Variants in INPP5K observed in about 807,000 individuals in gnomAD.
INPP5K encodes the protein inositol polyphosphate 5-phosphatase K.
In INPP5K, 35 loss-of-function variants were observed where a neutral mutation model predicts 53.5. That is an observed-to-expected ratio of 0.65 (90% confidence interval 0.50 to 0.87). INPP5K has a LOEUF of 0.87. Ranked by LOEUF, INPP5K falls within the 40% of genes least tolerant of loss-of-function variation. INPP5K has a pLI of 0.00. For synonymous variants in INPP5K, 253 were observed against 232.8 expected (o/e 1.09, Z -0.79); for missense variants, 550 against 586.2 (o/e 0.94, Z 0.64).
In INPP5K at chr17:1,494,999, C is replaced by A. The variant is rs1265147678; in HGVS notation, c.*824G>T. The A allele has an allele frequency of 6.6e-6, 1 of 152,256 alleles. No homozygotes were observed. Among genetic ancestry groups the A allele is most frequent in the South Asian group, 2.1e-4 (1 of 4,836 alleles). The allele number at this position is 152,256 out of a possible 1,614,324, so 9.4% of individuals were successfully genotyped here. A position where few individuals can be genotyped will look rare whatever the true frequency, so the allele number is the denominator to read the frequency against. ...TGGCTCCTGACAAGGGTGGCACAGA[C>A]GCACCTCACCTGCCAAGGACCACCC... On this transcript the variant is annotated 3_prime_UTR_variant, in exon 12 of 12. Coordinates refer to ENST00000421807, the MANE Select transcript of INPP5K (RefSeq NM_016532.4).
Position 1,496,344 on chromosome 17 carries a change from A to G in INPP5K, c.1160T>C (p.Val387Ala), listed in dbSNP as rs1427914422. ...CTGGTTCAGGTTGTCGCTGCAGGAG[A>G]CCTTGCTGTCCCCGACCCAGGCATA... ...VSYAWVGDSK[V>A]SCSDNLNQVY... Residue 387 changes from valine (V) to alanine (A), a missense_variant, in exon 10 of 12, where the codon GTC (valine) becomes GCC (alanine). Transcript: ENST00000421807. 3 of 1,563,090 alleles carry G rather than the reference A, an allele frequency of 1.9e-6. No individual in the cohort carries two copies. Among genetic ancestry groups the G allele is most frequent in the Admixed American group, 1.9e-5 (1 of 51,978 alleles).
intron 11 of INPP5K, 83 bp from the exon 12 acceptor site, chr17:1,495,962 G>A: frequency 7.1e-7 from 1 of 1,414,208 alleles, no homozygotes; most frequent in Non-Finnish European, 1.0e-6. Context: ...CACTGCAGCG[G>A]CCCCTCATGT....
intron 8 of INPP5K, among the ~76,000 whole-genome samples, chr17:1,497,085 A>C (rs1296310691): frequency 1.3e-5 from 2 of 152,218 alleles, no homozygotes; most frequent in African/African-American, 4.8e-5. Context: ...AGGCTTAAGG[A>C]GGCGGCCAGG....
In INPP5K at chr17:1,509,254, G is replaced by A. The variant is rs759932878; in HGVS notation, c.478C>T (p.Arg160Trp). Reference sequence around the variant, plus strand: ...AGGATCCGGTCAAAGTGCTCCAGCCGCTGGTAATTGTTGGAAATGTGGGGA... The same window carrying A: ...AGGATCCGGTCAAAGTGCTCCAGCCACTGGTAATTGTTGGAAATGTGGGGA... ...LPPHISNNYQ[R>W]LEHFDRILEM... The change falls in exon 5 of 12, where the codon CGG becomes TGG. Residue 160 changes from arginine (R) to tryptophan (W), a missense_variant. Transcript: ENST00000421807. 23 of 1,613,958 alleles carry A rather than the reference G, an allele frequency of 1.4e-5. No homozygotes were observed. The highest frequency in any genetic ancestry group is 1.8e-5 in the Non-Finnish European group (21 of 1,180,016).
chr17:1,508,017 A>G (rs1283450966), intron 6 of INPP5K, 98 bp downstream of exon 6: 2 of 909,686 alleles, frequency 2.2e-6, no homozygotes, highest in Non-Finnish European at 1.8e-6. Context: ...TGGGCAAAAG[A>G]AAACAGCAGC....
At chr17:1,501,892 A>T (rs1011414268) in intron 7 of INPP5K, among the ~76,000 whole-genome samples, 1 of 150,070 alleles carries the variant, frequency 6.7e-6, no homozygotes, top group African/African-American at 2.5e-5. Context: ...CAAATTTGCC[A>T]GGCGTGGTGG....
rs1207925371 is a variant in INPP5K at position 1,498,117 on chromosome 17, T to C, written c.782A>G (p.Lys261Arg). Reference sequence around the variant, plus strand: ...ATCGGTCCATGCAGGCTTGCGTTTTTTCTCACTGCAGGGGCAGGGGGCATA... The same window carrying C: ...ATCGGTCCATGCAGGCTTGCGTTTTCTCTCACTGCAGGGGCAGGGGGCATA... ...RNSNDYDTSEKKRKPAWTDRI... is the reference protein window; with the variant it reads ...RNSNDYDTSERKRKPAWTDRI... Residue 261 changes from lysine (K) to arginine (R), a missense_variant, in exon 8 of 12, where the codon AAA becomes AGA. Lys to Arg is a conservative substitution (Grantham distance 26). Transcript: ENST00000421807. 1 of 1,599,852 alleles carries C rather than the reference T, an allele frequency of 6.3e-7. No individual in the cohort carries two copies. Among genetic ancestry groups the C allele is most frequent in the Non-Finnish European group, 8.5e-7 (1 of 1,169,822 alleles).
intron 3 of INPP5K, among the ~76,000 whole-genome samples, chr17:1,511,554 G>A (rs1598389577): frequency 2.0e-5 from 3 of 152,158 alleles, no homozygotes; most frequent in Non-Finnish European, 2.9e-5. Flanking sequence ...GTCGAAGCAG[G>A]GGGAACCTCA....
chr17:1,498,778 A>AT (rs1301667186), intron 7 of INPP5K, among the ~76,000 whole-genome samples: 16 of 151,898 alleles, frequency 1.1e-4, no homozygotes, highest in Non-Finnish European at 2.4e-4. Context: ...ATTTTTAAAC[A>AT]TTTTTTTGTA....
At chr17:1,507,678 T>A (rs2150988085) in intron 6 of INPP5K, 1 of 159,018 alleles carries the variant, frequency 6.3e-6, no homozygotes, top group East Asian at 1.9e-4. Flanking sequence ...GTAGCTGGGA[T>A]TACAGGCACG....
intron 7 of INPP5K, among the ~76,000 whole-genome samples, chr17:1,504,030 AG>A (rs1357805791): frequency 6.6e-6 from 1 of 152,190 alleles, no homozygotes; most frequent in Non-Finnish European, 1.5e-5. Context: ...TGTCCTTGAC[AG>A]GAAGTCTGAC....
At chr17:1,511,635 G>GC (rs1394370910) in intron 3 of INPP5K, among the ~76,000 whole-genome samples, 2 of 152,140 alleles carry the variant, frequency 1.3e-5, no homozygotes, top group African/African-American at 4.8e-5. Flanking sequence ...GTGTCCTCAA[G>GC]CCTACTTCCT....
In INPP5K at chr17:1,496,804, C is replaced by T; in HGVS notation, c.964-1G>A. The T allele has an allele frequency of 6.2e-7, 1 of 1,613,926 alleles. No homozygotes were observed. The highest frequency in any genetic ancestry group is 8.5e-7 in the Non-Finnish European group (1 of 1,179,918). On this transcript the variant is annotated splice_acceptor_variant, in intron 8 of 11. Coordinates refer to ENST00000421807, the MANE Select transcript of INPP5K (RefSeq NM_016532.4). LOFTEE classifies it high-confidence loss of function. Reference sequence around the variant, plus strand: ...GCGGAGCAGACACCAATGGCTTCAGCTAGACACGGGGGTGGGAAGGGGGCT... The same window carrying T: ...GCGGAGCAGACACCAATGGCTTCAGTTAGACACGGGGGTGGGAAGGGGGCT...
In INPP5K at chr17:1,496,140, G is replaced by C. The variant is rs751600185; in HGVS notation, c.1210C>G (p.Pro404Ala). ...NQVYIDISNIPTTEDEFLLCY... is the reference protein window; with the variant it reads ...NQVYIDISNIATTEDEFLLCY... Reference sequence around the variant, plus strand: ...AGGAGAAACTCATCTTCAGTGGTAGGGATATTGCTGATGTCGATGTAAACC... The same window carrying C: ...AGGAGAAACTCATCTTCAGTGGTAGCGATATTGCTGATGTCGATGTAAACC... The change falls in exon 11 of 12, where the codon CCT becomes GCT. Residue 404 changes from proline (P) to alanine (A), a missense_variant. Transcript: ENST00000421807. The C allele has an allele frequency of 6.2e-6, 10 of 1,612,594 alleles. No homozygotes were observed. Among genetic ancestry groups the C allele is most frequent in the Non-Finnish European group, 8.5e-6 (10 of 1,178,656 alleles).
At position 1,496,823 on chromosome 17, in the gene INPP5K, G is replaced by C; in HGVS notation, c.964-20C>G. On this transcript the variant is annotated intron_variant, in intron 8 of 11. Coordinates refer to ENST00000421807, the MANE Select transcript of INPP5K (RefSeq NM_016532.4). ...CTTCAGCTAGACACGGGGGTGGGAAGGGGGCTGAATCTCGCAGCATCATTC... is the reference window on the plus strand; with the variant it reads ...CTTCAGCTAGACACGGGGGTGGGAACGGGGCTGAATCTCGCAGCATCATTC... The C allele has an allele frequency of 6.2e-7, 1 of 1,612,464 alleles. No individual in the cohort carries two copies. Among genetic ancestry groups the C allele is most frequent in the Non-Finnish European group, 8.5e-7 (1 of 1,179,220 alleles).
chr17:1,516,573 C>G lies in INPP5K; in HGVS notation c.-74G>C, dbSNP rs2075445396. On this transcript the variant is annotated 5_prime_UTR_variant, in exon 1 of 12. Transcript: ENST00000421807. ...CCAGCGGGTCCCGGCCAGAGCAGCC[C>G]TGCGGGCGGCCGGTCTCACGCGCCT... 6.9e-7 allele frequency: 1 copy of G among 1,449,488 alleles called. No homozygotes were observed. The highest frequency in any genetic ancestry group is 2.7e-5 in the Admixed American group (1 of 37,606). The allele number at this position is 1,449,488 out of a possible 1,614,324, so 89.8% of individuals were successfully genotyped here.
chr17:1,512,340 C>G (rs926811599), intron 3 of INPP5K, among the ~76,000 whole-genome samples: 6 of 152,216 alleles, frequency 3.9e-5, no homozygotes, highest in Admixed American at 3.3e-4. Context: ...ATCTAGCTCC[C>G]TATCTACAGA....
At chr17:1,503,848 C>A (rs1024393774) in intron 7 of INPP5K, among the ~76,000 whole-genome samples, 1 of 152,180 alleles carries the variant, frequency 6.6e-6, no homozygotes, top group Non-Finnish European at 1.5e-5. Flanking sequence ...GAGCTGGCCT[C>A]GTTTCTCATT....
chr17:1,509,845 CA>C (rs2075265808), intron 3 of INPP5K, 46 bp from the exon 4 acceptor site: 1 of 1,154,044 alleles, frequency 8.7e-7, no homozygotes, highest in South Asian at 1.3e-5. Context: ...CCACACAGGC[CA>C]AGTGCATCCC....
Sources: allele counts gnomAD v4.1 joint callset (sites outside exome capture counted in the v4.1 genomes callset), GRCh38; gene constraint gnomAD v4.1.1; transcripts MANE v1.5; gene names NCBI Gene and HGNC (gene_info 2026-07-23, HGNC 2026-07-21).